The following CCDC102B variants were observed in gnomAD, a reference collection of about 807,000 sequenced individuals.
The protein encoded by CCDC102B is coiled-coil domain containing 102B, also known as coiled-coil domain-containing protein 102B.
A neutral mutation model predicts 57.4 loss-of-function variants in CCDC102B; 75 were observed. The ratio of observed to expected loss-of-function variants is 1.31; its 90% CI spans 1.08 to 1.58. The LOEUF is 1.58. Among genes scored for constraint, CCDC102B ranks in the 40% most tolerant of loss-of-function variants. The pLI is 0.00. For synonymous variants in CCDC102B, 206 were observed against 201.9 expected (o/e 1.02, Z -0.17); for missense variants, 636 against 582.6 (o/e 1.09, Z -0.94).
At chr18:68,943,976 A>G (rs1178346775) in intron 6 of CCDC102B, among the ~76,000 whole-genome samples, 1 of 152,176 alleles carries the variant, frequency 6.6e-6, no homozygotes, top group Admixed American at 6.6e-5. Flanking sequence ...ATCCTTCATT[A>G]GAGTTAGATA....
At chr18:68,857,376 T>C (rs1306656491) in intron 4 of CCDC102B, among the ~76,000 whole-genome samples, 1 of 112,562 alleles carries the variant, frequency 8.9e-6, no homozygotes, top group Non-Finnish European at 1.7e-5. Flanking sequence ...TTTCTATATA[T>C]AAATATATAT....
At chr18:68,974,356 A>C (rs1199942714) in intron 6 of CCDC102B, among the ~76,000 whole-genome samples, 1 of 152,048 alleles carries the variant, frequency 6.6e-6, no homozygotes, top group African/African-American at 2.4e-5. Flanking sequence ...CAGTGCCTTG[A>C]TCCTGGACTT....
intron 3 of CCDC102B, among the ~76,000 whole-genome samples, chr18:68,841,732 T>TTTTTC (rs899781481): frequency 2.0e-5 from 3 of 152,186 alleles, no homozygotes; most frequent in African/African-American, 2.4e-5. Context: ...TTTTATCTTT[T>TTTTTC]TTTTCTTTTC....
At position 68,841,429 on chromosome 18, in the gene CCDC102B, C is replaced by G. The variant is rs2037625061; in HGVS notation, c.827+2503C>G. ...CCAGTGTATAAAAGTTTCTCATATA[C>G]TGAGAATTTATATATTTCTGTTGAC... On this transcript the variant is annotated intron_variant, in intron 3 of 7. Coordinates refer to ENST00000360242, the MANE Select transcript of CCDC102B (RefSeq NM_024781.3). Among the ~76,000 whole-genome samples, 3 of 152,228 alleles carry G rather than the reference C, an allele frequency of 2.0e-5. No homozygotes were observed. The South Asian group carries it at 6.2e-4, about 32-fold the overall frequency.
At chr18:68,972,391 AGGGAAACCTGT>A (rs139271572) in intron 6 of CCDC102B, among the ~76,000 whole-genome samples, 3,686 of 152,216 alleles carry the variant, frequency 0.024, 115 homozygotes, top group East Asian at 0.15. Flanking sequence ...TCTGATTGCG[AGGGAAACCTGT>A]GTCTTCCTAG....
chr18:68,900,911 C>T (rs35035711), intron 6 of CCDC102B, among the ~76,000 whole-genome samples: 2,380 of 152,198 alleles, frequency 0.016, 33 homozygotes, highest in Non-Finnish European at 0.026. Context: ...GATGCAAGAC[C>T]GGCTCTTCCA....
At chr18:69,027,716 C>T (rs1381231222) in intron 7 of CCDC102B, among the ~76,000 whole-genome samples, 1 of 151,318 alleles carries the variant, frequency 6.6e-6, no homozygotes, top group Non-Finnish European at 1.5e-5. Flanking sequence ...TATAGGAAAA[C>T]AATTTCATAG....
chr18:68,814,676 C>G (rs928496020), intron 1 of CCDC102B, among the ~76,000 whole-genome samples: 3 of 152,066 alleles, frequency 2.0e-5, no homozygotes, highest in African/African-American at 7.2e-5. Context: ...TATTACAGAA[C>G]TGTTTTCTTA....
intron 1 of CCDC102B, among the ~76,000 whole-genome samples, chr18:68,821,296 T>G (rs2144738472): frequency 6.6e-6 from 1 of 152,118 alleles, no homozygotes; most frequent in Admixed American, 6.5e-5. Flanking sequence ...CAGTCATTTA[T>G]TCTCATCATT....
chr18:68,719,438 T>A (rs2032204403), intron 2 of CCDC102B, among the ~76,000 whole-genome samples: 1 of 152,192 alleles, frequency 6.6e-6, no homozygotes, highest in African/African-American at 2.4e-5. Flanking sequence ...AAGTTAGTGA[T>A]GTAAGTCATG....
chr18:68,857,310 ATT>A (rs1568293090), intron 4 of CCDC102B, among the ~76,000 whole-genome samples: 731 of 4,788 alleles, frequency 0.15, 122 homozygotes, highest in African/African-American at 0.28. Flanking sequence ...TATAATATAT[ATT>A]TATATATTAT....
In CCDC102B at chr18:68,872,128, A is replaced by G. The variant is rs141434451; in HGVS notation, c.937-2541A>G. ...ATTGCCATTTACTGAGGTGACAAAG[A>G]CTGACAGAGAAACAGTTTTGAGGGA... On this transcript the variant is annotated intron_variant, in intron 4 of 7. Transcript: ENST00000360242. 2.1e-3 allele frequency among the ~76,000 whole-genome samples: 314 copies of G among 152,286 alleles called. 1 individual carries two copies. Among genetic ancestry groups the G allele is most frequent in the Middle Eastern group, 6.8e-3 (2 of 294 alleles).
chr18:68,765,378 A>AAAGG (rs1568239061), intron 2 of CCDC102B, among the ~76,000 whole-genome samples: 18 of 132,602 alleles, frequency 1.4e-4, no homozygotes, highest in South Asian at 4.7e-4. Context: ...AGAAAGAAAG[A>AAAGG]AAAGAAAGAA....
chr18:68,879,551 A>G (rs1049331440), intron 5 of CCDC102B, among the ~76,000 whole-genome samples: 1 of 151,752 alleles, frequency 6.6e-6, no homozygotes, highest in Non-Finnish European at 1.5e-5. Flanking sequence ...TTAGCTAGAT[A>G]CAGAGTGTCA....
At chr18:68,818,687 C>A (rs1202421047) in intron 1 of CCDC102B, among the ~76,000 whole-genome samples, 3 of 152,106 alleles carry the variant, frequency 2.0e-5, no homozygotes, top group African/African-American at 7.2e-5. Flanking sequence ...GAGATTCCTC[C>A]AACTGTAGCA....
intron 6 of CCDC102B, among the ~76,000 whole-genome samples, chr18:68,949,015 T>C (rs1340684729): frequency 6.6e-6 from 1 of 152,116 alleles, no homozygotes; most frequent in African/African-American, 2.4e-5. Context: ...TGGAATCTGT[T>C]GTTCAAGGGC....
At chr18:69,024,855 A>G (rs1387117009) in intron 7 of CCDC102B, among the ~76,000 whole-genome samples, 1 of 152,022 alleles carries the variant, frequency 6.6e-6, no homozygotes, top group Non-Finnish European at 1.5e-5. Context: ...AAGTTCAATT[A>G]ATATTTTTGA....
chr18:68,903,622 T>G (rs2040526133), intron 6 of CCDC102B, among the ~76,000 whole-genome samples: 1 of 152,210 alleles, frequency 6.6e-6, no homozygotes, highest in African/African-American at 2.4e-5. Flanking sequence ...CTTCCACTGA[T>G]AAGCAGTCTA....
chr18:68,833,556 C>T (rs1043590864), intron 1 of CCDC102B, among the ~76,000 whole-genome samples: 5 of 151,964 alleles, frequency 3.3e-5, no homozygotes, highest in African/African-American at 1.2e-4. Context: ...ATCTGCAGGC[C>T]TTTTCCCTTT....
Sources: gnomAD v4.1 joint callset for allele counts (sites outside exome capture counted in the v4.1 genomes callset) on GRCh38, gnomAD v4.1.1 for gene constraint, MANE v1.5 for transcripts, NCBI Gene and HGNC (gene_info 2026-07-23, HGNC 2026-07-21) for gene names.